The following LRWD1 variants were observed in gnomAD, a reference collection of about 807,000 sequenced individuals.
The protein encoded by LRWD1 is leucine rich repeats and WD repeat domain containing 1, also known as leucine-rich repeat and WD repeat-containing protein 1.
In LRWD1, 76 loss-of-function variants were observed where a neutral mutation model predicts 75.6. That is an observed-to-expected ratio of 1.01 (90% CI 0.84 to 1.22). LRWD1 has a LOEUF of 1.22. Ranked by LOEUF, LRWD1 falls within the 50% of genes most tolerant of loss-of-function variation. LRWD1 has a pLI of 0.00. For missense variants in LRWD1, 917 were observed against 862.0 expected, an observed-to-expected ratio of 1.06 and a Z score of -0.80; for synonymous variants, 487 against 377.0, an observed-to-expected ratio of 1.29 and a Z score of -3.38.
intron 2 of LRWD1, 21 bp from the exon 3 acceptor site, chr7:102,466,133 T>C: frequency 6.2e-7 from 1 of 1,613,110 alleles, no homozygotes; most frequent in Non-Finnish European, 8.5e-7. Flanking sequence ...GAGCCACTGC[T>C]CTTCACCCTC....
chr7:102,471,248 A>G (rs1043817634), intron 11 of LRWD1: 2 of 151,886 alleles, frequency 1.3e-5, no homozygotes, highest in Non-Finnish European at 2.9e-5. Flanking sequence ...TGTCTTTTTA[A>G]TAGAGACGGG....
At chr7:102,466,682 T>C (rs1434165741) in intron 3 of LRWD1, among the ~76,000 whole-genome samples, 1 of 150,512 alleles carries the variant, frequency 6.6e-6, no homozygotes, top group Non-Finnish European at 1.5e-5. Context: ...CCTCCCAAAG[T>C]GTCGGGATTA....
chr7:102,469,099 A>G, intron 9 of LRWD1, 37 bp downstream of exon 9: 4 of 1,519,756 alleles, frequency 2.6e-6, no homozygotes, highest in Non-Finnish European at 1.8e-6. Flanking sequence ...ACCCCCAAGC[A>G]CCCCTGTCCT....
chr7:102,472,810 G>A lies in LRWD1; in HGVS notation c.1803+6G>A, dbSNP rs749845526. 4 of 1,613,224 alleles carry A rather than the reference G, an allele frequency of 2.5e-6. No individual in the cohort carries two copies. The highest frequency in any genetic ancestry group is 1.3e-5 in the African/African-American group (1 of 75,058). On this transcript the variant is annotated splice_donor_region_variant and intron_variant, in intron 14 of 14. Transcript: ENST00000292616. ...CCCTGCAGGCCCCCACACAGGTACT[G>A]CCCGGCTCACCCTGCCCAGGCTTGG... is the stretch of plus-strand genomic sequence containing the variant.
chr7:102,468,226 G>A (rs779178949), intron 6 of LRWD1, 37 bp from the exon 7 acceptor site: 13 of 1,599,850 alleles, frequency 8.1e-6, no homozygotes, highest in Middle Eastern at 1.7e-4. Context: ...CAGATGAGTC[G>A]GGGCTGGGCA....
chr7:102,472,188 G>T (rs199773228), intron 11 of LRWD1, 30 bp from the exon 12 acceptor site: 5 of 1,561,858 alleles, frequency 3.2e-6, no homozygotes, highest in East Asian at 2.4e-5. Flanking sequence ...TGCAAGGAAT[G>T]GCCAACTAGC....
chr7:102,468,126 CGT>C lies in LRWD1; in HGVS notation c.747_748del (p.Ala250LeufsTer75). ...CTCAGCCTCTCTCCCAGCAAGCGGG[CGT>C]GTGCCTCCCCGTCGGCCCAGGTGGA... On this transcript the variant is annotated frameshift_variant, in exon 6 of 15. Transcript: ENST00000292616. LOFTEE classifies it high-confidence loss of function. 1.9e-6 allele frequency: 3 copies of C among 1,609,572 alleles called. No individual in the cohort carries two copies. The highest frequency in any genetic ancestry group is 2.5e-6 in the Non-Finnish European group (3 of 1,178,994).
chr7:102,467,645 C>A, intron 4 of LRWD1, 74 bp from the exon 5 acceptor site: 1 of 1,513,802 alleles, frequency 6.6e-7, no homozygotes, highest in South Asian at 1.2e-5. Context: ...CATAAGCTCC[C>A]CCTGACTATG....
In LRWD1 at chr7:102,472,700, A is replaced by G; in HGVS notation, c.1699A>G (p.Ile567Val). The G allele has an allele frequency of 6.2e-7, 1 of 1,613,438 alleles. No individual in the cohort carries two copies. Among genetic ancestry groups the G allele is most frequent in the South Asian group, 1.1e-5 (1 of 91,080 alleles). The change falls in exon 14 of 15, where the codon ATT (isoleucine) becomes GTT (valine). Residue 567 changes from isoleucine to valine, a missense_variant. Transcript: ENST00000292616. ...FSLSACPDKG[I>V]VLCGDEEGNV... ...CACCTCTGTCCCGGCAGATAAGGGG[A>G]TTGTGCTCTGTGGGGATGAGGAGGG...
chr7:102,468,171 GC>G lies in LRWD1; in HGVS notation c.789del (p.Ser264ProfsTer8). 6.2e-7 allele frequency: 1 copy of G among 1,605,762 alleles called. No homozygotes were observed. Among genetic ancestry groups the G allele is most frequent in the Non-Finnish European group, 8.5e-7 (1 of 1,177,366 alleles). On this transcript the variant is annotated frameshift_variant, in exon 6 of 15. Coordinates refer to ENST00000292616, the MANE Select transcript of LRWD1 (RefSeq NM_152892.3). LOFTEE classifies it high-confidence loss of function. ...SAQVEGSPVA[G>X]SDGSQPAVKL... ...CAGGTGGAGGGCAGCCCTGTGGCAG[GC>G]TCCGATGGCAGCCAGGTGAGCTGAG...
In LRWD1 at chr7:102,472,947, G is replaced by A. The variant is rs769958023; in HGVS notation, c.1842G>A (p.Val614=). Residue 614 remains valine (V), a synonymous_variant, in exon 15 of 15, where the codon GTG becomes GTA. Transcript: ENST00000292616. ...CCCAGCCCTGGGCCCTTGGCCAGGT[G>A]GTGACCAAGACCATGGTGAACACAG... ...KWPQPWALGQ[V]VTKTMVNTVV... The A allele has an allele frequency of 1.2e-6, 2 of 1,614,036 alleles. 1 individual carries two copies. Among genetic ancestry groups the A allele is most frequent in the South Asian group, 2.2e-5 (2 of 91,086 alleles).
At chr7:102,472,128 TC>T in intron 11 of LRWD1, 89 bp from the exon 12 acceptor site, 1 of 1,165,452 alleles carries the variant, frequency 8.6e-7, no homozygotes, top group Admixed American at 2.0e-5. Context: ...CAGGGCAGGG[TC>T]CCCAGCAGGT....
chr7:102,465,489 CTTTTTT>C (rs1007523343), intron 1 of LRWD1: 11 of 73,712 alleles, frequency 1.5e-4, no homozygotes, highest in Admixed American at 4.3e-4. Context: ...GTAGTTGCAG[CTTTTTT>C]TTTTTTTTTT....
Position 102,472,514 on chromosome 7 carries a change from G to C in LRWD1, c.1595G>C (p.Gly532Ala). The C allele has an allele frequency of 6.4e-7, 1 of 1,557,700 alleles. No individual in the cohort carries two copies. Among genetic ancestry groups the C allele is most frequent in the Non-Finnish European group, 8.7e-7 (1 of 1,152,542 alleles). ...CLWSWRQTWG[G>A]RGSQSTVAVV... ...TGGAGCTGGAGGCAGACGTGGGGGGGCCGGGGCAGCCAGTCCACGGTGGCA... is the reference window on the plus strand; with the variant it reads ...TGGAGCTGGAGGCAGACGTGGGGGGCCCGGGGCAGCCAGTCCACGGTGGCA... Residue 532 changes from glycine to alanine, a missense_variant, in exon 13 of 15, where the codon GGC (glycine) becomes GCC (alanine). Physicochemically the swap from Gly to Ala is moderately conservative, Grantham distance 60. Coordinates refer to ENST00000292616, the MANE Select transcript of LRWD1 (RefSeq NM_152892.3).
chr7:102,472,170 T>G, intron 11 of LRWD1, 48 bp from the exon 12 acceptor site: 6 of 1,531,684 alleles, frequency 3.9e-6, no homozygotes, highest in Non-Finnish European at 5.3e-6. Flanking sequence ...AGTGGGCAGC[T>G]CTCTATCTGC....
Position 102,472,697 on chromosome 7 carries a change from G to A in LRWD1, c.1696G>A (p.Gly566Arg), listed in dbSNP as rs142410118. ...YFSLSACPDK[G>R]IVLCGDEEGN... ...CTCCACCTCTGTCCCGGCAGATAAG[G>A]GGATTGTGCTCTGTGGGGATGAGGA... Residue 566 changes from glycine (G) to arginine (R), a missense_variant, in exon 14 of 15, where the codon GGG becomes AGG. By Grantham distance (125) the Gly-to-Arg change is moderately radical. Transcript: ENST00000292616. 8 of 1,613,430 alleles carry A rather than the reference G, an allele frequency of 5.0e-6. No individual in the cohort carries two copies. The highest frequency in any genetic ancestry group is 3.3e-5 in the Admixed American group (2 of 60,008).
intron 12 of LRWD1, 51 bp downstream of exon 12, chr7:102,472,360 A>AC (rs1798224234): frequency 6.4e-7 from 1 of 1,552,240 alleles, no homozygotes; most frequent in African/African-American, 1.4e-5. Flanking sequence ...ACACAGATGG[A>AC]CCGCTTGTCC....
In LRWD1 at chr7:102,472,737, T is replaced by C; in HGVS notation, c.1736T>C (p.Leu579Pro). ...LCGDEEGNVWLYDVSNILKQP... is the reference protein window; with the variant it reads ...LCGDEEGNVWPYDVSNILKQP... The stretch of plus-strand genomic sequence containing the variant: ...GGGGATGAGGAGGGCAACGTGTGGC[T>C]CTACGACGTCAGCAACATCCTGAAG... The change falls in exon 14 of 15, where the codon CTC (leucine) becomes CCC (proline). Residue 579 changes from leucine to proline, a missense_variant. Coordinates refer to ENST00000292616, the MANE Select transcript of LRWD1 (RefSeq NM_152892.3). The C allele has an allele frequency of 1.9e-6, 3 of 1,613,492 alleles. No individual in the cohort carries two copies. Among genetic ancestry groups the C allele is most frequent in the Non-Finnish European group, 2.5e-6 (3 of 1,179,946 alleles).
At chr7:102,465,675 AAAT>A (rs1295846618) in intron 1 of LRWD1, 139 bp from the exon 2 acceptor site, 4 of 651,494 alleles carry the variant, frequency 6.1e-6, no homozygotes, top group Non-Finnish European at 1.1e-5. Context: ...CCGTCTCTAA[AAAT>A]AAAGTAACGG....
Sources: allele counts gnomAD v4.1 joint callset (sites outside exome capture counted in the v4.1 genomes callset), GRCh38; gene constraint gnomAD v4.1.1; transcripts MANE v1.5; gene names NCBI Gene and HGNC (gene_info 2026-07-23, HGNC 2026-07-21).